Variants in DPY19L2 observed in about 807,000 individuals in gnomAD.
The protein encoded by DPY19L2 is dpy-19 like 2.
DPY19L2 carries 34 observed loss-of-function variants against 97.9 expected under a neutral mutation model. The observed-to-expected ratio is 0.35, with a 90% CI of 0.26 to 0.46. DPY19L2 has a LOEUF of 0.46. Ranked by LOEUF, DPY19L2 falls within the 20% of genes least tolerant of loss-of-function variation. The pLI is 1.00. For missense variants in DPY19L2, 623 were observed against 911.4 expected (o/e 0.68, Z 4.07); for synonymous variants, 230 against 307.9 (o/e 0.75, Z 2.65).
intron 15 of DPY19L2, among the ~76,000 whole-genome samples, chr12:63,594,640 G>A (rs1305398462): frequency 2.3e-5 from 3 of 128,980 alleles, no homozygotes; most frequent in East Asian, 2.0e-4. Context: ...GCAGGGACGT[G>A]TGTGTGCGTG....
At chr12:63,628,282 G>C (rs1217335077) in intron 6 of DPY19L2, among the ~76,000 whole-genome samples, 3 of 152,208 alleles carry the variant, frequency 2.0e-5, no homozygotes, top group Admixed American at 2.0e-4. Flanking sequence ...GCCTCACCCA[G>C]GAAGCGCAAG....
chr12:63,643,719 C>T (rs1453819718), intron 6 of DPY19L2, among the ~76,000 whole-genome samples: 2 of 152,150 alleles, frequency 1.3e-5, no homozygotes, highest in East Asian at 1.9e-4. Flanking sequence ...ATGACTGCTA[C>T]AGCTCTGGGC....
In DPY19L2 at chr12:63,559,539, A is replaced by G. The variant is rs1336605844; in HGVS notation, c.*973T>C. 6.6e-6 allele frequency: 1 copy of G among 152,628 alleles called. No individual in the cohort carries two copies. Among genetic ancestry groups the G allele is most frequent in the Non-Finnish European group, 1.5e-5 (1 of 68,034 alleles). The allele number at this position is 152,628 out of a possible 1,614,324, so 9.5% of individuals were successfully genotyped here. On this transcript the variant is annotated 3_prime_UTR_variant, in exon 22 of 22. Coordinates refer to ENST00000324472, the MANE Select transcript of DPY19L2 (RefSeq NM_173812.5). ...GTTTTATTAGGGGAGAGGACTTAGA[A>G]AACATGACTTTCCTCACCCAAAACC...
intron 7 of DPY19L2, among the ~76,000 whole-genome samples, chr12:63,624,602 A>C (rs76479081): frequency 0.1 from 15,769 of 152,112 alleles, 1,029 homozygotes; most frequent in East Asian, 0.28. Flanking sequence ...CACACTTCGA[A>C]TAGCTAGGAT....
At chr12:63,608,230 C>G (rs1457748898) in intron 12 of DPY19L2, among the ~76,000 whole-genome samples, 1 of 151,840 alleles carries the variant, frequency 6.6e-6, no homozygotes, top group Non-Finnish European at 1.5e-5. Context: ...TGGATAGATG[C>G]AGAGGAAAGA....
intron 13 of DPY19L2, among the ~76,000 whole-genome samples, chr12:63,598,244 T>G (rs1184359670): frequency 1.3e-5 from 2 of 152,104 alleles, no homozygotes; most frequent in African/African-American, 4.8e-5. Flanking sequence ...ATAAGACAAT[T>G]TATCATGAAA....
intron 19 of DPY19L2, among the ~76,000 whole-genome samples, chr12:63,578,392 G>T (rs1880263865): frequency 6.6e-6 from 1 of 152,088 alleles, no homozygotes; most frequent in African/African-American, 2.4e-5. Context: ...GTAGTGTTTG[G>T]TAACACAGAA....
rs536486910 is a variant in DPY19L2, at chr12:63,566,347, T to G, written c.2126+2877A>C. ...CCACCATGGTAACATTTTGAACATTTGTATAATATCACAGCCAGATAATTC... is the reference window on the plus strand; with the variant it reads ...CCACCATGGTAACATTTTGAACATTGGTATAATATCACAGCCAGATAATTC... On this transcript the variant is annotated intron_variant, in intron 21 of 21. Transcript: ENST00000324472. 3.3e-5 allele frequency among the ~76,000 whole-genome samples: 5 copies of G among 152,236 alleles called. No homozygotes were observed. The South Asian group carries it at 1.0e-3, about 32-fold the overall frequency.
intron 19 of DPY19L2, among the ~76,000 whole-genome samples, chr12:63,577,264 T>C (rs1880022024): frequency 6.6e-6 from 1 of 151,978 alleles, no homozygotes; most frequent in Non-Finnish European, 1.5e-5. Context: ...CCCTATCTCT[T>C]GCCATATACA....
At chr12:63,633,262 T>C (rs971502761) in intron 6 of DPY19L2, among the ~76,000 whole-genome samples, 6 of 152,090 alleles carry the variant, frequency 3.9e-5, no homozygotes, top group Non-Finnish European at 8.8e-5. Flanking sequence ...GAAACTACCA[T>C]CAGAGTGAAT....
In DPY19L2 at chr12:63,583,806, C is replaced by T; in HGVS notation, c.1605+6G>A. 6.2e-7 allele frequency: 1 copy of T among 1,610,900 alleles called. No individual in the cohort carries two copies. Among genetic ancestry groups the T allele is most frequent in the Non-Finnish European group, 8.5e-7 (1 of 1,178,102 alleles). On this transcript the variant is annotated splice_donor_region_variant and intron_variant, in intron 17 of 21. Transcript: ENST00000324472. ...AGTCTACCAGAGATTAAAATGAAAG[C>T]TTTACCTCACTGTGTTCAAGGAGCT... is the stretch of plus-strand genomic sequence containing the variant.
At chr12:63,581,577 G>A (rs78454125) in intron 18 of DPY19L2, among the ~76,000 whole-genome samples, 5 of 137,738 alleles carry the variant, frequency 3.6e-5, no homozygotes, top group African/African-American at 5.5e-5. Context: ...TCCACTTCCC[G>A]GGTTCAAGCA....
intron 6 of DPY19L2, 143 bp from the exon 7 acceptor site, chr12:63,626,669 T>C (rs987384182): frequency 1.8e-6 from 2 of 1,133,472 alleles, no homozygotes; most frequent in Non-Finnish European, 2.4e-6. Context: ...ACCCATGTGG[T>C]TGAAGTTTAA....
intron 6 of DPY19L2, among the ~76,000 whole-genome samples, chr12:63,630,555 A>G (rs1219357301): frequency 6.6e-6 from 1 of 152,172 alleles, no homozygotes; most frequent in Non-Finnish European, 1.5e-5. Context: ...AGGAGCACCT[A>G]GATTCATAAA....
chr12:63,613,579 TAA>T (rs1887359385), intron 11 of DPY19L2, among the ~76,000 whole-genome samples: 1 of 151,998 alleles, frequency 6.6e-6, no homozygotes, highest in Non-Finnish European at 1.5e-5. Context: ...TAAGATATTT[TAA>T]AATACTAAAA....
chr12:63,597,833 G>A lies in DPY19L2; in HGVS notation c.1437C>T (p.Pro479=), dbSNP rs780819511. Residue 479 remains proline, a synonymous_variant, in exon 14 of 22, where the codon CCC becomes CCT. Coordinates refer to ENST00000324472, the MANE Select transcript of DPY19L2 (RefSeq NM_173812.5). ...DFDTLIYTCA[P]EFDFMEKATP... ...CCGCTTTTTCCATGAAGTCAAATTC[G>A]GGAGCACAGGTATATATTAAAGTAT... 4.3e-6 allele frequency: 7 copies of A among 1,609,358 alleles called. No individual in the cohort carries two copies. Among genetic ancestry groups the A allele is most frequent in the Middle Eastern group, 1.7e-4 (1 of 5,940 alleles).
At chr12:63,624,420 C>T (rs571230734) in intron 7 of DPY19L2, among the ~76,000 whole-genome samples, 1 of 152,192 alleles carries the variant, frequency 6.6e-6, no homozygotes, top group East Asian at 1.9e-4. Flanking sequence ...AATTCTGGAA[C>T]TGACCAACTA....
At chr12:63,605,386 G>A (rs9652017) in intron 12 of DPY19L2, among the ~76,000 whole-genome samples, 26,533 of 152,098 alleles carry the variant, frequency 0.17, 3,186 homozygotes, top group African/African-American at 0.36. Flanking sequence ...CTTTCTGAGT[G>A]TCTTCTGCCA....
At position 63,644,377 on chromosome 12, in the gene DPY19L2, G is replaced by A. The variant is rs753233537; in HGVS notation, c.803+26C>T. 3.3e-5 allele frequency: 52 copies of A among 1,590,298 alleles called. 1 individual carries two copies. The South Asian group carries it at 5.9e-4, about 18-fold the overall frequency. ...CCAGTCTGTAAAAGCCCACTGAAAG[G>A]TCTCTTAATTCAGTAGTAGTCTTAC... is the stretch of plus-strand genomic sequence containing the variant. On this transcript the variant is annotated intron_variant, in intron 6 of 21. Transcript: ENST00000324472.
Sources: allele counts gnomAD v4.1 joint callset (sites outside exome capture counted in the v4.1 genomes callset), GRCh38; gene constraint gnomAD v4.1.1; transcripts MANE v1.5; gene names NCBI Gene and HGNC (gene_info 2026-07-23, HGNC 2026-07-21).